The following SDK1 variants were observed in gnomAD, a reference collection of about 807,000 sequenced individuals.
The protein encoded by SDK1 is protein sidekick-1.
Under a neutral mutation model 245.5 loss-of-function variants are expected in SDK1, and 157 were observed. The ratio of observed to expected loss-of-function variants is 0.64; its 90% CI spans 0.56 to 0.73. The LOEUF (loss-of-function observed/expected upper bound fraction) is 0.73, where lower values mean the gene tolerates loss of function less well. SDK1 is among the 30% of genes least tolerant of loss of function. SDK1 has a pLI of 0.00. For missense variants in SDK1, 3,583 were observed against 3,002.3 expected, an observed-to-expected ratio of 1.19 and a Z score of -4.52; for synonymous variants, 1,647 against 1,278.5, an observed-to-expected ratio of 1.29 and a Z score of -6.15.
intron 1 of SDK1, among the ~76,000 whole-genome samples, chr7:3,339,154 T>G (rs1297663260): frequency 6.7e-6 from 1 of 148,704 alleles, no homozygotes; most frequent in African/African-American, 2.5e-5. Flanking sequence ...GTGGCCATAT[T>G]AACATTCAAA....
rs1177297821 is a variant in SDK1, at chr7:4,145,822, C to T, written c.4329C>T (p.Ala1443=). The T allele has an allele frequency of 6.2e-7, 1 of 1,613,830 alleles. No homozygotes were observed. The highest frequency in any genetic ancestry group is 1.3e-5 in the African/African-American group (1 of 75,018). The part of the protein sequence containing the change: ...TVRQFTATDL[A]PESAYIFRLS... ...GGCAGTTCACAGCCACCGACCTGGC[C>T]CCGGAGTCCGCATACATCTTCAGGC... Residue 1443 remains alanine, a synonymous_variant, in exon 29 of 45, where the codon GCC becomes GCT. Transcript: ENST00000404826.
In SDK1 at chr7:3,484,897, A is replaced by G. The variant is rs540918629; in HGVS notation, c.299-134183A>G. On this transcript the variant is annotated intron_variant, in intron 1 of 44. Coordinates refer to ENST00000404826, the MANE Select transcript of SDK1 (RefSeq NM_152744.4). ...CATAACATATTTTGTTTGTTCATTC[A>G]TCTGTTGATGAGCATTTAGCTTGAT... 2.7e-4 allele frequency among the ~76,000 whole-genome samples: 41 copies of G among 152,306 alleles called. 2 individuals are homozygous for G. The South Asian group carries it at 8.1e-3, about 30-fold the overall frequency.
chr7:3,452,607 C>G (rs991969604), intron 1 of SDK1, among the ~76,000 whole-genome samples: 1 of 152,152 alleles, frequency 6.6e-6, no homozygotes, highest in South Asian at 2.1e-4. Context: ...GGCACTCTTG[C>G]TAATAGTGAA....
chr7:4,025,176 T>C (rs1280400340), intron 17 of SDK1, among the ~76,000 whole-genome samples: 5 of 152,216 alleles, frequency 3.3e-5, no homozygotes, highest in Non-Finnish European at 5.9e-5. Flanking sequence ...GATTTCCCTA[T>C]CCACGAGTGT....
chr7:3,501,236 G>C (rs140186012), intron 1 of SDK1, among the ~76,000 whole-genome samples: 3 of 152,210 alleles, frequency 2.0e-5, no homozygotes, highest in Non-Finnish European at 4.4e-5. Context: ...TATCTTTAGA[G>C]AATTCCTCTT....
At chr7:3,505,742 T>A (rs1014424126) in intron 1 of SDK1, among the ~76,000 whole-genome samples, 1 of 152,084 alleles carries the variant, frequency 6.6e-6, no homozygotes, top group Admixed American at 6.5e-5. Context: ...AATACAGTAT[T>A]CCTGGGATGC....
intron 4 of SDK1, among the ~76,000 whole-genome samples, chr7:3,741,329 A>C (rs1450842359): frequency 1.5e-4 from 23 of 152,172 alleles, no homozygotes; most frequent in Admixed American, 1.5e-3. Context: ...AGGAATCCCC[A>C]GCCCCCTGTT....
chr7:4,130,440 G>C (rs1201969499), intron 27 of SDK1: 2 of 281,262 alleles, frequency 7.1e-6, no homozygotes, highest in Non-Finnish European at 1.3e-5. Context: ...ACTTCGTGTA[G>C]TGCCCCCTTA....
chr7:4,124,794 G>A (rs1302934277), intron 25 of SDK1, among the ~76,000 whole-genome samples: 1 of 152,220 alleles, frequency 6.6e-6, no homozygotes, highest in African/African-American at 2.4e-5. Flanking sequence ...TCTGTGTAAT[G>A]AGGAAGTCTG....
In SDK1 at chr7:4,267,971, A is replaced by G. The variant is rs1280767918; in HGVS notation, c.*2587A>G. Reference sequence around the variant, plus strand: ...AGAGCAATGCGGCATTTGAGAAGCAACAGTTCCTAACTCCTTATCTTCAGG... The same window carrying G: ...AGAGCAATGCGGCATTTGAGAAGCAGCAGTTCCTAACTCCTTATCTTCAGG... On this transcript the variant is annotated 3_prime_UTR_variant, in exon 45 of 45. Coordinates refer to ENST00000404826, the MANE Select transcript of SDK1 (RefSeq NM_152744.4). 1.0e-6 allele frequency: 1 copy of G among 985,408 alleles called. No homozygotes were observed. Among genetic ancestry groups the G allele is most frequent in the East Asian group, 1.1e-4 (1 of 8,828 alleles). 61.0% of individuals were successfully genotyped at this position (985,408 alleles called of 1,614,324 possible). A position where few individuals can be genotyped will look rare whatever the true frequency, so the allele number is the denominator to read the frequency against.
chr7:3,330,804 G>A (rs4509207), intron 1 of SDK1, among the ~76,000 whole-genome samples: 19,992 of 104,546 alleles, frequency 0.19, 2,202 homozygotes, highest in African/African-American at 0.39. Flanking sequence ...AAACCATTTC[G>A]CTTAAAAAAA....
intron 14 of SDK1, among the ~76,000 whole-genome samples, chr7:4,008,432 A>T (rs62439611): frequency 0.016 from 2,502 of 152,374 alleles, 39 homozygotes; most frequent in South Asian, 0.031. Flanking sequence ...ACACCTGAAC[A>T]AAGGGGCACG....
intron 1 of SDK1, among the ~76,000 whole-genome samples, chr7:3,312,912 A>G (rs555888817): frequency 6.6e-6 from 1 of 152,192 alleles, no homozygotes; most frequent in Non-Finnish European, 1.5e-5. Context: ...CACAGGATAA[A>G]TAAAAATAAA....
intron 4 of SDK1, among the ~76,000 whole-genome samples, chr7:3,731,746 G>T (rs1363297357): frequency 1.3e-5 from 2 of 152,076 alleles, no homozygotes; most frequent in Non-Finnish European, 2.9e-5. Flanking sequence ...GGAAGAAGGA[G>T]AAAAAAATTC....
chr7:3,577,128 G>C (rs369302538), intron 1 of SDK1, among the ~76,000 whole-genome samples: 1 of 151,850 alleles, frequency 6.6e-6, no homozygotes, highest in East Asian at 1.9e-4. Context: ...CCTGCCTCTG[G>C]GCCCCATTCT....
chr7:4,237,617 T>C, intron 41 of SDK1, 30 bp from the exon 42 acceptor site: 2 of 1,613,832 alleles, frequency 1.2e-6, no homozygotes, highest in Non-Finnish European at 1.7e-6. Flanking sequence ...GTCTGCCCCA[T>C]GTCATTGTGT....
At position 3,372,316 on chromosome 7, in the gene SDK1, C is replaced by G. The variant is rs191742925; in HGVS notation, c.298+70432C>G. Among the ~76,000 whole-genome samples, 13 of 152,240 alleles carry G rather than the reference C, an allele frequency of 8.5e-5. No individual in the cohort carries two copies. The East Asian group carries it at 1.5e-3, about 18-fold the overall frequency. ...CCCAAGCTAGTCCAACACAACTGAT[C>G]AGGAAGTTGGGTCATCCAACAGAAA... On this transcript the variant is annotated intron_variant, in intron 1 of 44. Coordinates refer to ENST00000404826, the MANE Select transcript of SDK1 (RefSeq NM_152744.4).
At chr7:3,310,754 CA>C (rs1243062427) in intron 1 of SDK1, among the ~76,000 whole-genome samples, 1 of 152,112 alleles carries the variant, frequency 6.6e-6, no homozygotes, top group Non-Finnish European at 1.5e-5. Flanking sequence ...TTTGTGGAGA[CA>C]GTATAGCATA....
chr7:3,454,423 T>TGTGTGTGTGTGTGTGTGTGTGC (rs1554273965), intron 1 of SDK1, among the ~76,000 whole-genome samples: 1 of 150,042 alleles, frequency 6.7e-6, no homozygotes, highest in African/African-American at 2.5e-5. Flanking sequence ...TGTGTGTGTG[T>TGTGTGTGTGTGTGTGTGTGTGC]GCTGTGTACA....
Sources: gnomAD v4.1 joint callset for allele counts (sites outside exome capture counted in the v4.1 genomes callset) on GRCh38, gnomAD v4.1.1 for gene constraint, MANE v1.5 for transcripts, NCBI Gene and HGNC (gene_info 2026-07-23, HGNC 2026-07-21) for gene names.